Variants in CCDC201 observed in about 807,000 individuals in gnomAD.
CCDC201 encodes the protein coiled-coil domain-containing protein 201.
exon 3 of CCDC201, chr7:45,861,758 G>T (rs532656252): frequency 4.6e-5 from 7 of 152,374 alleles, no homozygotes; most frequent in African/African-American, 1.7e-4. Context: ...TCTAGGGGTT[G>T]CCCTTCTCAC....
intron 1 of CCDC201, among the ~76,000 whole-genome samples, chr7:45,872,367 T>C (rs1786751434): frequency 6.6e-6 from 1 of 152,194 alleles, no homozygotes; most frequent in African/African-American, 2.4e-5. Flanking sequence ...AGGTTTTAAC[T>C]TCAGGTGGGA....
chr7:45,879,565 G>A, the CCDC201 span, among the ~76,000 whole-genome samples: 1 of 152,136 alleles, frequency 6.6e-6, no homozygotes, highest in Non-Finnish European at 1.5e-5. Context: ...AGAGTGATGG[G>A]GAGGAGGTGC....
At chr7:45,881,125 G>C in the CCDC201 span, among the ~76,000 whole-genome samples, 4 of 152,156 alleles carry the variant, frequency 2.6e-5, no homozygotes, top group Non-Finnish European at 2.9e-5. Flanking sequence ...GTCCGGGTAA[G>C]TGTCATCTTC....
At chr7:45,878,442 A>G in the CCDC201 span, among the ~76,000 whole-genome samples, 1 of 152,214 alleles carries the variant, frequency 6.6e-6, no homozygotes, top group East Asian at 1.9e-4. Flanking sequence ...AGACATTTCC[A>G]TACATCCTCT....
At chr7:45,865,088 G>T (rs1240931066) in intron 2 of CCDC201, among the ~76,000 whole-genome samples, 1 of 151,986 alleles carries the variant, frequency 6.6e-6, no homozygotes, top group Non-Finnish European at 1.5e-5. Flanking sequence ...TCTGAGAAAG[G>T]GCTCCAAGAC....
At chr7:45,877,541 A>T (rs1464700007), upstream of CCDC201, among the ~76,000 whole-genome samples, 1 of 152,206 alleles carries the variant, frequency 6.6e-6, no homozygotes, top group East Asian at 1.9e-4. Flanking sequence ...GGAAACTTAC[A>T]ATCACAGCAG....
At chr7:45,860,922 G>A (rs1019569778) in exon 3 of CCDC201, 1 of 152,230 alleles carries the variant, frequency 6.6e-6, no homozygotes. Flanking sequence ...CTCCAAATAT[G>A]TAAAAACATA....
chr7:45,884,159 G>T, the CCDC201 span, among the ~76,000 whole-genome samples: 1 of 151,548 alleles, frequency 6.6e-6, no homozygotes, highest in Non-Finnish European at 1.5e-5. Flanking sequence ...GGAGTACAGT[G>T]GTGTGATCAT....
Position 45,870,765 on chromosome 7 carries a change from G to A in CCDC201, c.18+2225C>T, listed in dbSNP as rs150758863. ...TTAAGCCCATGCTAGATCACGGGGCGGGCGGGTGGAGGAACAAACCAACAA... is the reference window on the plus strand; with the variant it reads ...TTAAGCCCATGCTAGATCACGGGGCAGGCGGGTGGAGGAACAAACCAACAA... On this transcript the variant is annotated intron_variant, in intron 1 of 2. Transcript: ENST00000636578. Among the ~76,000 whole-genome samples, 10 of 152,218 alleles carry A rather than the reference G, an allele frequency of 6.6e-5. No homozygotes were observed. In the East Asian group the frequency reaches 1.5e-3, roughly 24 times the overall value.
upstream of CCDC201, among the ~76,000 whole-genome samples, chr7:45,875,503 A>G (rs1786791179): frequency 6.6e-6 from 1 of 152,164 alleles, no homozygotes; most frequent in South Asian, 2.1e-4. Flanking sequence ...ATATCCAAAA[A>G]GAGACACACA....
chr7:45,879,462 T>TGGGTTGAACAGGCTTCTGC, the CCDC201 span, among the ~76,000 whole-genome samples: 21 of 152,224 alleles, frequency 1.4e-4, no homozygotes, highest in African/African-American at 4.8e-4. Context: ...CATGGTTCTG[T>TGGGTTGAACAGGCTTCTGC]GGGTTGAACA....
chr7:45,868,235 G>C (rs750353321), intron 1 of CCDC201, among the ~76,000 whole-genome samples: 5 of 152,108 alleles, frequency 3.3e-5, no homozygotes, highest in Non-Finnish European at 7.4e-5. Flanking sequence ...TTGGTGGGAG[G>C]CCTCAGTTTA....
exon 3 of CCDC201, chr7:45,861,357 AAAAAG>A (rs1163498517): frequency 2.1e-5 from 3 of 143,728 alleles, no homozygotes; most frequent in East Asian, 2.1e-4. Flanking sequence ...TAAGTTATAA[AAAAAG>A]AAAAAAGTAA....
chr7:45,861,338 AATAATAT>A (rs1377023563), exon 3 of CCDC201: 3 of 151,888 alleles, frequency 2.0e-5, no homozygotes, highest in South Asian at 2.1e-4. Context: ...TTTGTAACCC[AATAATAT>A]ATAAGTTATA....
the CCDC201 span, among the ~76,000 whole-genome samples, chr7:45,883,527 G>A: frequency 6.6e-6 from 1 of 152,218 alleles, no homozygotes; most frequent in Non-Finnish European, 1.5e-5. Flanking sequence ...GTGGTCAAAG[G>A]CCCATTAGAG....
At chr7:45,869,376 G>C (rs996526170) in intron 1 of CCDC201, among the ~76,000 whole-genome samples, 7 of 152,240 alleles carry the variant, frequency 4.6e-5, no homozygotes, top group Non-Finnish European at 1.0e-4. Flanking sequence ...GCCTGAAACA[G>C]AAGCAGCAAC....
the CCDC201 span, among the ~76,000 whole-genome samples, chr7:45,883,009 C>G: frequency 1.3e-5 from 2 of 152,150 alleles, no homozygotes; most frequent in African/African-American, 4.8e-5. Flanking sequence ...GAAGAAGGGG[C>G]TTCATCTCCA....
exon 3 of CCDC201, chr7:45,861,814 A>G (rs1303342622): frequency 1.3e-5 from 2 of 152,272 alleles, no homozygotes; most frequent in Non-Finnish European, 2.9e-5. Context: ...GAAGGGAGGC[A>G]GTGTAGGACT....
At chr7:45,869,971 C>G (rs908709958) in intron 1 of CCDC201, among the ~76,000 whole-genome samples, 1 of 152,108 alleles carries the variant, frequency 6.6e-6, no homozygotes, top group Non-Finnish European at 1.5e-5. Flanking sequence ...CATGTGCCAC[C>G]ATGTCCAGCT....
Sources: gnomAD v4.1 joint callset for allele counts (sites outside exome capture counted in the v4.1 genomes callset) on GRCh38, gnomAD v4.1.1 for gene constraint, MANE v1.5 for transcripts, NCBI Gene and HGNC (gene_info 2026-07-23, HGNC 2026-07-21) for gene names.